The following IFT25 variants were observed in gnomAD, a reference collection of about 807,000 sequenced individuals.
IFT25 encodes intraflagellar transport protein 25 homolog.
chr1:53,920,370 T>A, the IFT25 span, among the ~76,000 whole-genome samples: 62 of 152,074 alleles, frequency 4.1e-4, no homozygotes, highest in African/African-American at 1.4e-3. Context: ...AACTGTAAAA[T>A]TTTTTTTCCT....
At chr1:53,923,590 T>C in the IFT25 span, 18 of 258,530 alleles carry the variant, frequency 7.0e-5, no homozygotes, top group South Asian at 1.2e-3. Flanking sequence ...TTCATTCCTA[T>C]TCTAAAATGC....
the IFT25 span, among the ~76,000 whole-genome samples, chr1:53,934,336 T>C: frequency 2.0e-5 from 3 of 152,222 alleles, no homozygotes; most frequent in Non-Finnish European, 2.9e-5. Flanking sequence ...TATTGCTCCA[T>C]TGTTGTCTGG....
At chr1:53,939,103 G>C in the IFT25 span, among the ~76,000 whole-genome samples, 1 of 139,798 alleles carries the variant, frequency 7.2e-6, no homozygotes, top group Non-Finnish European at 1.5e-5. Flanking sequence ...AAAAAAAAGA[G>C]TTCTCAGGCT....
chr1:53,943,045 G>A, the IFT25 span, among the ~76,000 whole-genome samples: 1 of 152,152 alleles, frequency 6.6e-6, no homozygotes, highest in African/African-American at 2.4e-5. Flanking sequence ...ACTCTCAGTG[G>A]TGCTCACAAA....
chr1:53,931,590 A>G, the IFT25 span, among the ~76,000 whole-genome samples: 1 of 152,150 alleles, frequency 6.6e-6, no homozygotes, highest in Admixed American at 6.5e-5. Context: ...ATCTTGTGTT[A>G]TTTTTATAGG....
the IFT25 span, among the ~76,000 whole-genome samples, chr1:53,942,030 T>C: frequency 6.6e-6 from 1 of 152,346 alleles, no homozygotes; most frequent in African/African-American, 2.4e-5. Flanking sequence ...GGAGGACTTC[T>C]ATCCTTATCC....
the IFT25 span, chr1:53,928,738 T>C: frequency 3.5e-6 from 1 of 288,326 alleles, no homozygotes; most frequent in Non-Finnish European, 6.5e-6. Context: ...CTATTGGTGG[T>C]CTTGGTCATA....
At chr1:53,928,733 G>T in the IFT25 span, 16 of 293,296 alleles carry the variant, frequency 5.5e-5, no homozygotes, top group African/African-American at 3.3e-4. Flanking sequence ...TACTACTATT[G>T]GTGGTCTTGG....
At chr1:53,928,325 TA>T in the IFT25 span, 1 of 1,396,092 alleles carries the variant, frequency 7.2e-7, no homozygotes, top group Non-Finnish European at 1.0e-6. Flanking sequence ...ATCAAAGGAA[TA>T]TTATCTACTC....
the IFT25 span, chr1:53,940,007 G>C: frequency 6.2e-7 from 1 of 1,602,216 alleles, no homozygotes. Context: ...TTTTCAGGTG[G>C]GTGTTTTTCA....
the IFT25 span, chr1:53,929,932 T>C: frequency 1.4e-6 from 2 of 1,403,484 alleles, no homozygotes; most frequent in African/African-American, 1.5e-5. Context: ...AGTTTACATA[T>C]ATGCCTTCTG....
At chr1:53,911,965 T>C in the IFT25 span, among the ~76,000 whole-genome samples, 2 of 151,826 alleles carry the variant, frequency 1.3e-5, no homozygotes, top group East Asian at 1.9e-4. Context: ...TTTTGGGGGG[T>C]TGGAGGTGGA....
the IFT25 span, among the ~76,000 whole-genome samples, chr1:53,933,002 G>C: frequency 6.6e-6 from 1 of 152,036 alleles, no homozygotes; most frequent in Non-Finnish European, 1.5e-5. Flanking sequence ...CTGAGAAAAG[G>C]GTATTAAAAT....
the IFT25 span, among the ~76,000 whole-genome samples, chr1:53,919,424 A>G: frequency 6.6e-6 from 1 of 152,226 alleles, no homozygotes; most frequent in African/African-American, 2.4e-5. Context: ...AGAGATGAAC[A>G]GTCCTTGCTG....
the IFT25 span, among the ~76,000 whole-genome samples, chr1:53,917,714 C>A: frequency 1.3e-5 from 2 of 152,050 alleles, no homozygotes; most frequent in Non-Finnish European, 2.9e-5. Context: ...GTAATCCCAG[C>A]TACTCAGGAG....
At chr1:53,940,359 G>A in the IFT25 span, among the ~76,000 whole-genome samples, 1 of 151,870 alleles carries the variant, frequency 6.6e-6, no homozygotes, top group Non-Finnish European at 1.5e-5. Context: ...AAAACACAGA[G>A]GTACAGGAAG....
At chr1:53,938,798 A>C in the IFT25 span, among the ~76,000 whole-genome samples, 2 of 152,034 alleles carry the variant, frequency 1.3e-5, no homozygotes, top group African/African-American at 2.4e-5. Flanking sequence ...GTCCTCCACC[A>C]GGCAGGGGGC....
the IFT25 span, among the ~76,000 whole-genome samples, chr1:53,941,488 TAA>T: frequency 6.6e-6 from 1 of 152,248 alleles, no homozygotes; most frequent in Non-Finnish European, 1.5e-5. Context: ...TTGATAGTAT[TAA>T]AAGTGTGGTA....
At chr1:53,923,893 T>C in the IFT25 span, 1 of 1,510,580 alleles carries the variant, frequency 6.6e-7, no homozygotes, top group South Asian at 1.1e-5. Context: ...CTATAAAGTA[T>C]ATTCACTTAC....
Sources: gnomAD v4.1 joint callset for allele counts (sites outside exome capture counted in the v4.1 genomes callset) on GRCh38, gnomAD v4.1.1 for gene constraint, MANE v1.5 for transcripts, NCBI Gene and HGNC (gene_info 2026-07-23, HGNC 2026-07-21) for gene names.